PLA1A: variants seen among roughly 807,000 people sequenced by gnomAD.
PLA1A encodes phospholipase A1 member A.
In PLA1A, 47 loss-of-function variants were observed where a neutral mutation model predicts 49.4. The observed-to-expected ratio is 0.95, with a 90% CI of 0.75 to 1.21. The LOEUF (loss-of-function observed/expected upper bound fraction) is 1.21, where lower values mean the gene tolerates loss of function less well. Ranked by LOEUF, PLA1A falls within the 50% of genes most tolerant of loss-of-function variation. The pLI, the probability that PLA1A is intolerant of heterozygous loss-of-function variation, is 0.00. For synonymous variants in PLA1A, 224 were observed against 207.9 expected, an observed-to-expected ratio of 1.08 and a Z score of -0.67; for missense variants, 561 against 563.9, an observed-to-expected ratio of 0.99 and a Z score of 0.05.
chr3:119,619,747 A>G (rs1199303832), intron 8 of PLA1A, 95 bp downstream of exon 8: 9 of 862,466 alleles, frequency 1.0e-5, no homozygotes, highest in Non-Finnish European at 1.6e-5. Flanking sequence ...GAATGATAAG[A>G]GCAAAGGCAT....
In PLA1A at chr3:119,608,946, T is replaced by C; in HGVS notation, c.452T>C (p.Leu151Pro). 6.2e-7 allele frequency: 1 copy of C among 1,613,468 alleles called. No homozygotes were observed. The change falls in exon 3 of 11, where the codon CTG becomes CCG. Residue 151 changes from leucine to proline, a missense_variant and splice_region_variant. Coordinates refer to ENST00000273371, the MANE Select transcript of PLA1A (RefSeq NM_015900.4). ...LEISLFLNKL[L>P]VLGVSESSIH... ...ATCTCCCTTTTCCTCAATAAACTCC[T>C]GGTAGGTGCAGAAGAGCTTAGGGTG...
intron 1 of PLA1A, among the ~76,000 whole-genome samples, chr3:119,599,141 G>A (rs982547158): frequency 7.2e-5 from 11 of 152,136 alleles, no homozygotes; most frequent in South Asian, 2.1e-4. Flanking sequence ...TGGAATCCTG[G>A]CTCTGTTTCT....
rs369851500 is a variant in PLA1A at position 119,597,913 on chromosome 3, G to A, written c.-1G>A. The A allele has an allele frequency of 5.0e-5, 80 of 1,603,314 alleles. No individual in the cohort carries two copies. Among genetic ancestry groups the A allele is most frequent in the Admixed American group, 2.2e-4 (13 of 59,378 alleles). ...CCAGCTCTGAGATTTCCAGCTCAGC[G>A]ATGCCCCCAGGTCCCTGGGAGAGCT... On this transcript the variant is annotated 5_prime_UTR_variant, in exon 1 of 11. Transcript: ENST00000273371.
At chr3:119,616,985 C>T (rs537395499) in intron 6 of PLA1A, among the ~76,000 whole-genome samples, 1 of 152,284 alleles carries the variant, frequency 6.6e-6, no homozygotes, top group East Asian at 1.9e-4. Flanking sequence ...GTCCCAACCA[C>T]AGGGGAAAGG....
chr3:119,603,718 A>G (rs2670298), intron 1 of PLA1A, among the ~76,000 whole-genome samples: 36,413 of 152,210 alleles, frequency 0.24, 5,521 homozygotes, highest in East Asian at 0.46. Flanking sequence ...GGGCTGCTTC[A>G]CACTGCAAGT....
At position 119,625,281 on chromosome 3, in the gene PLA1A, CT is replaced by C. The variant is rs1419061396; in HGVS notation, c.1121+54del. ...GACTCCTCCCCTTAGGAGTTGGTTA[CT>C]TTTTCATTTTACACACATGGACATC... On this transcript the variant is annotated intron_variant, in intron 9 of 10. Coordinates refer to ENST00000273371, the MANE Select transcript of PLA1A (RefSeq NM_015900.4). 4 of 1,229,668 alleles carry C rather than the reference CT, an allele frequency of 3.3e-6. 1 individual carries two copies. In the South Asian group the frequency reaches 4.9e-5, roughly 15 times the overall value. The allele number at this position is 1,229,668 out of a possible 1,614,324, so 76.2% of individuals were successfully genotyped here.
At chr3:119,606,154 A>G (rs1560077559) in intron 1 of PLA1A, among the ~76,000 whole-genome samples, 2 of 152,246 alleles carry the variant, frequency 1.3e-5, no homozygotes, top group Non-Finnish European at 2.9e-5. Context: ...GGTGGCTAGA[A>G]CAATGGAAAT....
intron 5 of PLA1A, among the ~76,000 whole-genome samples, chr3:119,613,860 G>A (rs149271857): frequency 2.0e-5 from 3 of 150,464 alleles, no homozygotes; most frequent in Non-Finnish European, 2.9e-5. Flanking sequence ...GCTACTGCAC[G>A]CCAGCCTGAG....
In PLA1A at chr3:119,608,838, A is replaced by G; in HGVS notation, c.344A>G (p.Asn115Ser). Residue 115 changes from asparagine to serine, a missense_variant, in exon 3 of 11, where the codon AAT becomes AGT. Transcript: ENST00000273371. Reference protein sequence around the residue: ...IRTLLRATNANVIAVDWIYGS... With the variant: ...IRTLLRATNASVIAVDWIYGS... The stretch of plus-strand genomic sequence containing the variant: ...ACCCTTCTGCGTGCAACGAATGCTA[A>G]TGTGATTGCCGTGGACTGGATTTAT... 1.9e-6 allele frequency: 3 copies of G among 1,613,650 alleles called. No homozygotes were observed. Among genetic ancestry groups the G allele is most frequent in the Non-Finnish European group, 2.5e-6 (3 of 1,179,568 alleles).
intron 5 of PLA1A, among the ~76,000 whole-genome samples, chr3:119,615,777 C>T (rs1797843): frequency 1.3e-4 from 20 of 151,748 alleles, no homozygotes; most frequent in Admixed American, 4.6e-4. Flanking sequence ...CGCCACTGCA[C>T]TCCAGCCTGG....
intron 3 of PLA1A, 95 bp downstream of exon 3, chr3:119,609,042 G>A: frequency 9.8e-7 from 1 of 1,016,290 alleles, no homozygotes; most frequent in Non-Finnish European, 1.5e-6. Flanking sequence ...TAGGGTGGAA[G>A]CAGAGTCACC....
At chr3:119,608,545 CAA>C (rs773091530) in intron 2 of PLA1A, among the ~76,000 whole-genome samples, 99 of 152,336 alleles carry the variant, frequency 6.5e-4, no homozygotes, top group Non-Finnish European at 1.2e-3. Context: ...GAACAAAAGG[CAA>C]AGTTTTATAA....
chr3:119,624,367 A>G (rs1251944903), intron 8 of PLA1A, among the ~76,000 whole-genome samples: 1 of 152,172 alleles, frequency 6.6e-6, no homozygotes, highest in African/African-American at 2.4e-5. Flanking sequence ...CCTTCCCTCA[A>G]AGGCCCCACC....
At chr3:119,622,103 A>AAGAAGG (rs1553794014) in intron 8 of PLA1A, among the ~76,000 whole-genome samples, 3,451 of 147,326 alleles carry the variant, frequency 0.023, 135 homozygotes, top group South Asian at 0.13. Flanking sequence ...GAAGAAGAAG[A>AAGAAGG]AGAAGGAGAA....
chr3:119,628,895 A>G, intron 10 of PLA1A, 30 bp downstream of exon 10: 1 of 1,581,990 alleles, frequency 6.3e-7, no homozygotes, highest in South Asian at 1.1e-5. Context: ...TCTGCACCAG[A>G]TGCACTCACA....
At chr3:119,599,171 A>C (rs2082580861) in intron 1 of PLA1A, among the ~76,000 whole-genome samples, 1 of 152,152 alleles carries the variant, frequency 6.6e-6, no homozygotes, top group South Asian at 2.1e-4. Context: ...TGTGACCTTG[A>C]GGAAGTGGCT....
At chr3:119,602,016 C>T (rs1424370812) in intron 1 of PLA1A, among the ~76,000 whole-genome samples, 3 of 151,926 alleles carry the variant, frequency 2.0e-5, no homozygotes, top group African/African-American at 4.8e-5. Flanking sequence ...CCCAGCAAAC[C>T]TTGCTGGGCC....
chr3:119,615,861 G>C, intron 5 of PLA1A, 151 bp from the exon 6 acceptor site: 1 of 573,304 alleles, frequency 1.7e-6, no homozygotes, highest in Non-Finnish European at 3.1e-6. Flanking sequence ...GAAAAGAAAA[G>C]AAATCTGTCT....
intron 8 of PLA1A, among the ~76,000 whole-genome samples, chr3:119,621,321 G>A (rs1266103528): frequency 3.3e-5 from 5 of 152,194 alleles, no homozygotes; most frequent in African/African-American, 7.2e-5. Flanking sequence ...CTTCAGAAGC[G>A]TAGCCCTGTT....
Sources: gnomAD v4.1 joint callset for allele counts (sites outside exome capture counted in the v4.1 genomes callset) on GRCh38, gnomAD v4.1.1 for gene constraint, MANE v1.5 for transcripts, NCBI Gene and HGNC (gene_info 2026-07-23, HGNC 2026-07-21) for gene names.